SMARCD3: variants seen among roughly 807,000 people sequenced by gnomAD.
The protein encoded by SMARCD3 is SWI/SNF related BAF chromatin remodeling complex subunit D3.
In SMARCD3, 14 loss-of-function variants were observed where a neutral mutation model predicts 58.0. The observed-to-expected ratio is 0.24, with a 90% CI of 0.16 to 0.38. The LOEUF is 0.38. Among genes scored for constraint, SMARCD3 ranks in the 10% least tolerant of loss-of-function variants. The pLI is 1.00. For synonymous variants in SMARCD3, 253 were observed against 253.8 expected (o/e 1.00, Z 0.03); for missense variants, 408 against 636.9 (o/e 0.64, Z 3.87).
At position 151,242,412 on chromosome 7, in the gene SMARCD3, C is replaced by T. The variant is rs938992687; in HGVS notation, c.579+69G>A. 38 of 1,591,992 alleles carry T rather than the reference C, an allele frequency of 2.4e-5. No homozygotes were observed. The highest frequency in any genetic ancestry group is 8.4e-5 in the Admixed American group (5 of 59,754). On this transcript the variant is annotated intron_variant, in intron 5 of 12. Coordinates refer to ENST00000262188, the MANE Select transcript of SMARCD3 (RefSeq NM_001003801.2). This position sits in a 1 kb window ranked among gnomAD's most constrained non-coding sequence, Gnocchi z 4.7. ...GACTCCCTAGCCCTTAGTGCAGACA[C>T]CTTGTTCTGTTCTCAGTGCAGCCCA...
At position 151,243,792 on chromosome 7, in the gene SMARCD3, C is replaced by T. The variant is rs2150593547; in HGVS notation, c.291-91G>A. The T allele has an allele frequency of 1.1e-6, 1 of 927,608 alleles. No homozygotes were observed. Among genetic ancestry groups the T allele is most frequent in the East Asian group, 2.4e-5 (1 of 41,838 alleles). The allele number at this position is 927,608 out of a possible 1,614,324, so 57.5% of individuals were successfully genotyped here. On this transcript the variant is annotated intron_variant, in intron 2 of 12. Transcript: ENST00000262188. This position sits in a 1 kb window ranked among gnomAD's most constrained non-coding sequence, Gnocchi z 4.4. Reference sequence around the variant, plus strand: ...TGCTAGATTATCCCGACATCTCCGCCCGCCTGGCTGGGGTTCCCACAGCCC... The same window carrying T: ...TGCTAGATTATCCCGACATCTCCGCTCGCCTGGCTGGGGTTCCCACAGCCC...
intron 2 of SMARCD3, among the ~76,000 whole-genome samples, chr7:151,255,091 C>T (rs906415511): frequency 8.5e-5 from 13 of 152,208 alleles, no homozygotes; most frequent in African/African-American, 2.4e-4. Flanking sequence ...GACCTGCCCT[C>T]GGCCTTGAGG....
intron 2 of SMARCD3, among the ~76,000 whole-genome samples, chr7:151,262,567 G>A (rs1270061701): frequency 6.6e-6 from 1 of 152,226 alleles, no homozygotes; most frequent in African/African-American, 2.4e-5. Context: ...GGGAAGTACT[G>A]CCCATTTACA....
rs1453331606 is a variant in SMARCD3 at position 151,242,344 on chromosome 7, A to G, written c.580-112T>C. On this transcript the variant is annotated intron_variant, in intron 5 of 12. Transcript: ENST00000262188. The surrounding 1 kb of genome is among the most constrained non-coding windows in gnomAD (Gnocchi z 4.7). ...AGTGGGCTTAGATGAAATCCTCTGC[A>G]CTTGGAATGTCTCTAGGCCTGCCCC... The G allele has an allele frequency of 1.8e-5, 25 of 1,425,474 alleles. No individual in the cohort carries two copies. The highest frequency in any genetic ancestry group is 5.2e-5 in the Admixed American group (3 of 58,166). The allele number at this position is 1,425,474 out of a possible 1,614,324, so 88.3% of individuals were successfully genotyped here. A position where few individuals can be genotyped will look rare whatever the true frequency, so the allele number is the denominator to read the frequency against.
At chr7:151,256,231 C>T (rs372905372) in intron 2 of SMARCD3, among the ~76,000 whole-genome samples, 8 of 149,732 alleles carry the variant, frequency 5.3e-5, no homozygotes, top group East Asian at 1.9e-4. Context: ...GCCCAGGTGG[C>T]GCGATCTCAG....
chr7:151,240,963 G>A (rs1802958210), intron 8 of SMARCD3: 1 of 233,118 alleles, frequency 4.3e-6, no homozygotes, highest in Non-Finnish European at 8.5e-6. Context: ...AATATCAACT[G>A]CTATTTTTAC....
Position 151,239,635 on chromosome 7 carries a change from G to A in SMARCD3, c.1285C>T (p.Arg429Trp), listed in dbSNP as rs912479106. The A allele has an allele frequency of 9.9e-6, 16 of 1,614,032 alleles. No individual in the cohort carries two copies. The highest frequency in any genetic ancestry group is 2.2e-5 in the East Asian group (1 of 44,862). Residue 429 changes from arginine to tryptophan, a missense_variant, in exon 11 of 13, where the codon CGG becomes TGG. Around this residue, in one of 4 missense-constraint regions of SMARCD3, gnomAD observed 81 missense variants for 109.7 expected, o/e 0.74. Coordinates refer to ENST00000262188, the MANE Select transcript of SMARCD3 (RefSeq NM_001003801.2). The surrounding 1 kb of genome is among the most constrained non-coding windows in gnomAD (Gnocchi z 7.0). ...YVQDLLRSQSRDLKVMTDVAG... is the reference protein window; with the variant it reads ...YVQDLLRSQSWDLKVMTDVAG... The stretch of plus-strand genomic sequence containing the variant: ...GTCTCCCTCTTCACCTTGAGGTCCC[G>A]GCTCTGGGAGCGGAGCAGGTCTTGG...
rs1803078457 is a variant in SMARCD3 at position 151,243,040 on chromosome 7, G to A, written c.334-197C>T. ...CAGCAGTAGGGGCCTTGCTGTGTAG[G>A]GATAACAATTGCTTCTCCCTTTAGG... On this transcript the variant is annotated intron_variant, in intron 3 of 12. Transcript: ENST00000262188. The surrounding 1 kb of genome is among the most constrained non-coding windows in gnomAD (Gnocchi z 4.4). 6.6e-6 allele frequency among the ~76,000 whole-genome samples: 1 copy of A among 152,134 alleles called. No individual in the cohort carries two copies. The highest frequency in any genetic ancestry group is 2.4e-5 in the African/African-American group (1 of 41,420).
chr7:151,273,687 T>G (rs547798729), intron 2 of SMARCD3, among the ~76,000 whole-genome samples: 1 of 152,346 alleles, frequency 6.6e-6, no homozygotes, highest in East Asian at 1.9e-4. Flanking sequence ...GCCTTGACTT[T>G]CCTGCAGGTG....
chr7:151,262,255 ATT>A (rs1181295569), intron 2 of SMARCD3, among the ~76,000 whole-genome samples: 1 of 151,918 alleles, frequency 6.6e-6, no homozygotes, highest in African/African-American at 2.4e-5. Context: ...CAATTTTTAA[ATT>A]TTTTTGTAGA....
rs530291513 is a variant in SMARCD3, at chr7:151,248,210, T to C, written c.78+275A>G. On this transcript the variant is annotated intron_variant, in intron 1 of 12. Coordinates refer to ENST00000262188, the MANE Select transcript of SMARCD3 (RefSeq NM_001003801.2). This position sits in a 1 kb window ranked among gnomAD's most constrained non-coding sequence, Gnocchi z 6.1. ...CCTGTCGGCTACAGCGAGGACCCCC[T>C]ACTTGGGGGGTAGAGTCCCCAAGTC... Among the ~76,000 whole-genome samples the C allele has an allele frequency of 3.7e-3, 502 of 137,430 alleles. 1 individual carries two copies. The highest frequency in any genetic ancestry group is 5.4e-3 in the Non-Finnish European group (351 of 65,068). 90.2% of individuals were successfully genotyped at this position (137,430 alleles called of 152,430 possible).
upstream of SMARCD3, among the ~76,000 whole-genome samples, chr7:151,253,137 T>C (rs1173995513): frequency 6.6e-6 from 1 of 152,022 alleles, no homozygotes; most frequent in African/African-American, 2.4e-5. Flanking sequence ...CAAGGCAGAC[T>C]GGGAGGAAGG....
intron 1 of SMARCD3, among the ~76,000 whole-genome samples, chr7:151,247,720 T>C (rs1040955250): frequency 7.1e-6 from 1 of 141,558 alleles, no homozygotes; most frequent in Non-Finnish European, 1.5e-5. Context: ...AGCCGGGCCC[T>C]ACTGACTCAG....
intron 1 of SMARCD3, among the ~76,000 whole-genome samples, chr7:151,276,219 G>A (rs548611769): frequency 2.0e-5 from 3 of 151,722 alleles, no homozygotes; most frequent in Non-Finnish European, 2.9e-5. Flanking sequence ...CAGGGAAGAC[G>A]GTGGCCAAGT....
intron 2 of SMARCD3, among the ~76,000 whole-genome samples, chr7:151,260,482 T>C (rs539943723): frequency 6.6e-6 from 1 of 152,306 alleles, no homozygotes; most frequent in African/African-American, 2.4e-5. Flanking sequence ...AATATTACTT[T>C]TTAGCCAAAA....
At position 151,262,672 on chromosome 7, in the gene SMARCD3, C is replaced by T. The variant is rs540834386; in HGVS notation, c.39+12442G>A. 9.2e-5 allele frequency among the ~76,000 whole-genome samples: 14 copies of T among 152,296 alleles called. No homozygotes were observed. The East Asian group carries it at 2.5e-3, about 27-fold the overall frequency. ...TGCCAGGTGTGTCCTTAGGGCCCCG[C>T]GGGAGCAGGGAGGAGGGGCCCCTAA... is the stretch of plus-strand genomic sequence containing the variant. On this transcript the variant is annotated intron_variant, in intron 2 of 13. Transcript: ENST00000356800.
At chr7:151,249,218 G>T (rs1485821078), upstream of SMARCD3, 1 of 152,026 alleles carries the variant, frequency 6.6e-6, no homozygotes, top group Non-Finnish European at 1.5e-5. This position sits in a 1 kb window ranked among gnomAD's most constrained non-coding sequence, Gnocchi z 4.8. Flanking sequence ...GAGGCCTCGC[G>T]CCTGCCCGGG....
Position 151,242,532 on chromosome 7 carries a change from G to A in SMARCD3, c.528C>T (p.Asp176=), listed in dbSNP as rs535766904. The change falls in exon 5 of 13, where the codon GAC becomes GAT. Residue 176 remains aspartate (D), a synonymous_variant. Coordinates refer to ENST00000262188, the MANE Select transcript of SMARCD3 (RefSeq NM_001003801.2). This position sits in a 1 kb window ranked among gnomAD's most constrained non-coding sequence, Gnocchi z 4.7. The part of the protein sequence containing the change: ...NPAKPDAEDS[D]GSIASWELRV... The stretch of plus-strand genomic sequence containing the variant: ...GTAGCTCCCAGGAGGCAATGCTGCC[G>A]TCGGAATCCTCAGCATCAGGCTTCG... 34 of 1,614,114 alleles carry A rather than the reference G, an allele frequency of 2.1e-5. No homozygotes were observed. The highest frequency in any genetic ancestry group is 9.3e-5 in the African/African-American group (7 of 75,038).
chr7:151,254,799 A>G (rs922731317), intron 2 of SMARCD3, among the ~76,000 whole-genome samples: 1 of 152,184 alleles, frequency 6.6e-6, no homozygotes, highest in Non-Finnish European at 1.5e-5. Context: ...TGAGGCAGGA[A>G]CGGGCCTCAG....
Sources: gnomAD v4.1 joint callset for allele counts (sites outside exome capture counted in the v4.1 genomes callset) on GRCh38, gnomAD v4.1.1 for gene constraint, gnomAD v4.1.1 regional missense constraint, Gnocchi (gnomAD v3.1) non-coding constraint, MANE v1.5 for transcripts, NCBI Gene and HGNC (gene_info 2026-07-23, HGNC 2026-07-21) for gene names.